MGAM: variants seen among roughly 807,000 people sequenced by gnomAD.
MGAM encodes the protein alpha-1,4-glucosidase.
In MGAM, 253 loss-of-function variants were observed where a neutral mutation model predicts 358.8. That is an observed-to-expected ratio of 0.71 (90% CI 0.64 to 0.78). The LOEUF (loss-of-function observed/expected upper bound fraction) is 0.78, where lower values mean the gene tolerates loss of function less well. Among genes scored for constraint, MGAM ranks in the 30% least tolerant of loss-of-function variants. MGAM has a pLI of 0.00. For missense variants in MGAM, 3,080 were observed against 3,432.6 expected (o/e 0.90, Z 2.57); for synonymous variants, 1,105 against 1,227.1 (o/e 0.90, Z 2.08).
intron 59 of MGAM, 135 bp from the exon 60 acceptor site, chr7:142,093,277 T>G: frequency 8.3e-7 from 1 of 1,198,702 alleles, no homozygotes; most frequent in Non-Finnish European, 1.2e-6. Context: ...GCTGTGCTCA[T>G]GTCTCTGGGA....
intron 7 of MGAM, among the ~76,000 whole-genome samples, chr7:142,024,240 A>T (rs1806739717): frequency 6.6e-6 from 1 of 151,816 alleles, no homozygotes; most frequent in Non-Finnish European, 1.5e-5. Flanking sequence ...AAAAAATAAA[A>T]TAAAATAAAA....
chr7:141,996,001 G>A (rs1804197475), intron 1 of MGAM, 71 bp downstream of exon 1: 1 of 152,154 alleles, frequency 6.6e-6, no homozygotes, highest in South Asian at 2.1e-4. Flanking sequence ...AATTTGAGTT[G>A]ATCTCTTTTA....
chr7:142,037,972 C>A lies in MGAM; in HGVS notation c.2232-559C>A, dbSNP rs535995319. Among the ~76,000 whole-genome samples, 8 of 152,186 alleles carry A rather than the reference C, an allele frequency of 5.3e-5. No homozygotes were observed. In the South Asian group the frequency reaches 1.7e-3, roughly 32 times the overall value. On this transcript the variant is annotated intron_variant, in intron 18 of 70. Transcript: ENST00000475668. Reference sequence around the variant, plus strand: ...TATTGACTATAGTCACCCTATTTTGCTATCAAAAGGTAGGTTTTATTCATT... The same window carrying A: ...TATTGACTATAGTCACCCTATTTTGATATCAAAAGGTAGGTTTTATTCATT...
intron 24 of MGAM, 88 bp from the exon 25 acceptor site, chr7:142,052,206 A>ATTTTTTT: frequency 1.9e-6 from 2 of 1,042,744 alleles, no homozygotes; most frequent in Non-Finnish European, 2.6e-6. Context: ...TCTAATTTCT[A>ATTTTTTT]TTTTTTTTTT....
At position 142,005,553 on chromosome 7, in the gene MGAM, A is replaced by T. The variant is rs782148481; in HGVS notation, c.23A>T (p.Lys8Ile). 1 of 1,558,294 alleles carries T rather than the reference A, an allele frequency of 6.4e-7. No homozygotes were observed. The highest frequency in any genetic ancestry group is 8.7e-7 in the Non-Finnish European group (1 of 1,155,370). Residue 8 changes from lysine (K) to isoleucine (I), a missense_variant, in exon 2 of 71, where the codon AAA becomes ATA. Physicochemically the swap from Lys to Ile is moderately radical, Grantham distance 102 (BLOSUM62 -3). This residue lies in a region of MGAM where 1,816 missense variants were observed against 1,840.5 expected (regional missense o/e 0.99). Coordinates refer to ENST00000475668, the MANE Select transcript of MGAM (RefSeq NM_001365693.1). MARKKLK[K>I]FTTLEIVLSV... Reference sequence around the variant, plus strand: ...GAGATGGCAAGAAAGAAGCTGAAAAAATTTACTACTTTGGAGATTGTGCTC... The same window carrying T: ...GAGATGGCAAGAAAGAAGCTGAAAATATTTACTACTTTGGAGATTGTGCTC...
Position 142,052,941 on chromosome 7 carries a change from G to T in MGAM, c.3116G>T (p.Arg1039Leu), listed in dbSNP as rs139662456. 14 of 1,613,616 alleles carry T rather than the reference G, an allele frequency of 8.7e-6. No homozygotes were observed. The highest frequency in any genetic ancestry group is 2.2e-5 in the East Asian group (1 of 44,878). ...CCCTCCACACCCGTGAACCCCCTTCGCCTGGATGTCACTTACCATAAGAAT... is the reference window on the plus strand; with the variant it reads ...CCCTCCACACCCGTGAACCCCCTTCTCCTGGATGTCACTTACCATAAGAAT... ...AFPSTPVNPL[R>L]LDVTYHKNEM... The change falls in exon 26 of 71, where the codon CGC becomes CTC. Residue 1039 changes from arginine (R) to leucine (L), a missense_variant. By Grantham distance (102) the Arg-to-Leu change is moderately radical. Transcript: ENST00000475668.
In MGAM at chr7:142,052,553, A is replaced by G. The variant is rs574909897; in HGVS notation, c.2958+107A>G. The G allele has an allele frequency of 1.1e-4, 157 of 1,454,062 alleles. 4 individuals carry two copies. In the South Asian group the frequency reaches 2.1e-3, roughly 19 times the overall value. 90.1% of individuals were successfully genotyped at this position (1,454,062 alleles called of 1,614,324 possible). ...ATAACTACTTAAAATCCATAGAAAG[A>G]ACTTCCTAAGGGACAGGATCTAGAT... On this transcript the variant is annotated intron_variant, in intron 25 of 70. Transcript: ENST00000475668.
At position 142,059,848 on chromosome 7, in the gene MGAM, G is replaced by A. The variant is rs1445296453; in HGVS notation, c.3949-8G>A. On this transcript the variant is annotated splice_polypyrimidine_tract_variant and splice_region_variant and intron_variant, in intron 32 of 70. Transcript: ENST00000475668. Reference sequence around the variant, plus strand: ...GGTTTTCCCAACTGACTTATGCTTTGATTTCAGGATCCAGCCATTTCTGGC... The same window carrying A: ...GGTTTTCCCAACTGACTTATGCTTTAATTTCAGGATCCAGCCATTTCTGGC... 1 of 1,604,748 alleles carries A rather than the reference G, an allele frequency of 6.2e-7. No homozygotes were observed. Among genetic ancestry groups the A allele is most frequent in the Non-Finnish European group, 8.5e-7 (1 of 1,175,284 alleles).
At chr7:142,105,217 C>A (rs1394102517) in intron 70 of MGAM, among the ~76,000 whole-genome samples, 2 of 152,076 alleles carry the variant, frequency 1.3e-5, no homozygotes, top group Non-Finnish European at 2.9e-5. Context: ...GGAAAATCAA[C>A]ACCTCAGTAG....
chr7:142,094,193 G>A lies in MGAM; in HGVS notation c.7173-171G>A, dbSNP rs188260505. On this transcript the variant is annotated intron_variant, in intron 60 of 70. Transcript: ENST00000475668. ...AAAGCACTGTGAGAACACGTGACTC[G>A]TTATCTCCATCATCTGGGATCAGTG... 7.5e-5 allele frequency among the ~76,000 whole-genome samples: 11 copies of A among 146,274 alleles called. No homozygotes were observed. In the South Asian group the frequency reaches 8.8e-4, roughly 12 times the overall value.
In MGAM at chr7:142,034,414, G is replaced by A. The variant is rs782778910; in HGVS notation, c.1787+35G>A. 1.4e-5 allele frequency: 18 copies of A among 1,303,606 alleles called. No homozygotes were observed. In the African/African-American group the frequency reaches 2.4e-4, roughly 17 times the overall value. The allele number at this position is 1,303,606 out of a possible 1,614,324, so 80.8% of individuals were successfully genotyped here. The stretch of plus-strand genomic sequence containing the variant: ...CTATGGCTATGACCTGCTAATTATT[G>A]AATATAAAGAATATATATATGTTTT... On this transcript the variant is annotated intron_variant, in intron 15 of 70. Coordinates refer to ENST00000475668, the MANE Select transcript of MGAM (RefSeq NM_001365693.1).
chr7:142,045,357 A>G (rs1292679165), intron 21 of MGAM, among the ~76,000 whole-genome samples: 4 of 108,290 alleles, frequency 3.7e-5, no homozygotes, highest in Admixed American at 1.3e-4. Flanking sequence ...CCTATAATAC[A>G]TGATATATAA....
intron 26 of MGAM, 62 bp downstream of exon 26, chr7:142,053,046 G>C (rs1811170179): frequency 1.3e-6 from 2 of 1,542,152 alleles, no homozygotes; most frequent in African/African-American, 1.4e-5. Flanking sequence ...ACCTTTTATT[G>C]GTCTGGATCA....
At chr7:142,031,175 C>T (rs1335334051) in intron 12 of MGAM, among the ~76,000 whole-genome samples, 6 of 152,126 alleles carry the variant, frequency 3.9e-5, no homozygotes, top group Non-Finnish European at 8.8e-5. Flanking sequence ...ACAAGTGTAC[C>T]CACTTCTTTC....
chr7:142,012,459 G>T (rs903693272), intron 3 of MGAM, among the ~76,000 whole-genome samples: 1 of 152,056 alleles, frequency 6.6e-6, no homozygotes, highest in East Asian at 1.9e-4. Context: ...AGGCCCCACT[G>T]TTAATACTAA....
intron 1 of MGAM, among the ~76,000 whole-genome samples, chr7:141,997,680 A>G (rs1554449163): frequency 6.6e-6 from 1 of 152,002 alleles, no homozygotes; most frequent in Non-Finnish European, 1.5e-5. Flanking sequence ...AGATGGGGAA[A>G]CTGAGACCCA....
At chr7:142,084,370 T>C in intron 53 of MGAM, 149 bp from the exon 54 acceptor site, 4 of 950,780 alleles carry the variant, frequency 4.2e-6, no homozygotes, top group Non-Finnish European at 6.1e-6. Flanking sequence ...CCAAGTATCC[T>C]AGTGGCTCTA....
At position 142,044,531 on chromosome 7, in the gene MGAM, C is replaced by T. The variant is rs190993414; in HGVS notation, c.2499-3254C>T. Among the ~76,000 whole-genome samples, 676 of 129,170 alleles carry T rather than the reference C, an allele frequency of 5.2e-3. 79 individuals are homozygous for T. The highest frequency in any genetic ancestry group is 0.017 in the African/African-American group (616 of 35,232). 84.7% of individuals were successfully genotyped at this position (129,170 alleles called of 152,430 possible). ...ATATATAATGTATATTATACACTTA[C>T]GATATATGATATATAATGTATATTA... On this transcript the variant is annotated intron_variant, in intron 21 of 70. Transcript: ENST00000475668.
chr7:142,021,724 A>G lies in MGAM; in HGVS notation c.697A>G (p.Asn233Asp), dbSNP rs1764306597. Residue 233 changes from asparagine (N) to aspartate (D), a missense_variant, in exon 6 of 71, where the codon AAC becomes GAC. Transcript: ENST00000475668. Reference sequence around the variant, plus strand: ...TAGCATCAAAGTGACCAGAAGAAGCAACAATCGTGTTTTGTAAGTTTTGGA... The same window carrying G: ...TAGCATCAAAGTGACCAGAAGAAGCGACAATCGTGTTTTGTAAGTTTTGGA... Reference protein sequence around the residue: ...PFSIKVTRRSNNRVLFDSSIG... With the variant: ...PFSIKVTRRSDNRVLFDSSIG... 3 of 1,613,832 alleles carry G rather than the reference A, an allele frequency of 1.9e-6. No individual in the cohort carries two copies. Among genetic ancestry groups the G allele is most frequent in the South Asian group, 1.1e-5 (1 of 91,086 alleles).
Sources: gnomAD v4.1 joint callset for allele counts (sites outside exome capture counted in the v4.1 genomes callset) on GRCh38, gnomAD v4.1.1 for gene constraint, gnomAD v4.1.1 regional missense constraint, MANE v1.5 for transcripts, NCBI Gene and HGNC (gene_info 2026-07-23, HGNC 2026-07-21) for gene names.